Variants in OVGP1 observed in about 807,000 individuals in gnomAD.
The protein encoded by OVGP1 is oviductal glycoprotein 1.
Under a neutral mutation model 48.2 loss-of-function variants are expected in OVGP1, and 26 were observed. That is an observed-to-expected ratio of 0.54 (90% CI 0.40 to 0.75). OVGP1 has a LOEUF of 0.75. OVGP1 is among the 30% of genes least tolerant of loss of function. The probability of loss-of-function intolerance (pLI) is 0.00; values close to 1 mark genes in which losing one functional copy is unlikely to be tolerated. For missense variants in OVGP1, 791 were observed against 820.6 expected, an observed-to-expected ratio of 0.96 and a Z score of 0.44; for synonymous variants, 294 against 305.7, an observed-to-expected ratio of 0.96 and a Z score of 0.40.
chr1:111,415,403 T>C, intron 10 of OVGP1, 59 bp from the exon 11 acceptor site: 1 of 1,494,012 alleles, frequency 6.7e-7, no homozygotes. Context: ...ATCCTATTAA[T>C]TACTGGCAGA....
chr1:111,416,952 A>C (rs1237911053), intron 9 of OVGP1, among the ~76,000 whole-genome samples: 1 of 152,222 alleles, frequency 6.6e-6, no homozygotes, highest in African/African-American at 2.4e-5. Context: ...AAGATGAAAA[A>C]GTTCTGGAGA....
At chr1:111,421,697 T>C (rs761752874) in intron 6 of OVGP1, 24 bp from the exon 7 acceptor site, 29 of 1,418,108 alleles carry the variant, frequency 2.0e-5, no homozygotes, top group Middle Eastern at 3.5e-4. Flanking sequence ...GAGGAAGAGA[T>C]ATAAAGACTG....
Position 111,427,091 on chromosome 1 carries a change from C to A in OVGP1, c.26G>T (p.Gly9Val), listed in dbSNP as rs191208264. 1 of 1,614,080 alleles carries A rather than the reference C, an allele frequency of 6.2e-7. No individual in the cohort carries two copies. Among genetic ancestry groups the A allele is most frequent in the East Asian group, 2.2e-5 (1 of 44,866 alleles). ...GTGGTGTTTCAGCACAAGAACCAGC[C>A]CTGTGAGAAACAAAGGAAGGAGTCA... MWKLLLWV[G>V]LVLVLKHHDG... Residue 9 changes from glycine to valine, a missense_variant and splice_region_variant, in exon 2 of 11, where the codon GGG becomes GTG. By Grantham distance (109) the Gly-to-Val change is moderately radical (BLOSUM62 -3). Coordinates refer to ENST00000369732, the MANE Select transcript of OVGP1 (RefSeq NM_002557.4).
intron 4 of OVGP1, among the ~76,000 whole-genome samples, chr1:111,424,524 A>C (rs1390672779): frequency 6.6e-6 from 1 of 152,212 alleles, no homozygotes; most frequent in Non-Finnish European, 1.5e-5. Context: ...AATAACTGTG[A>C]CTTGTGCTTT....
At position 111,427,035 on chromosome 1, in the gene OVGP1, C is replaced by A. The variant is rs750999174; in HGVS notation, c.55+27G>T. The A allele has an allele frequency of 5.6e-6, 9 of 1,614,082 alleles. No individual in the cohort carries two copies. In the South Asian group the frequency reaches 8.8e-5, roughly 16 times the overall value. ...TCTCAGCCAGAGACTCTCCCTGGCTCTGGAAGGGAAAACACAGTTTCCTTA... is the reference window on the plus strand; with the variant it reads ...TCTCAGCCAGAGACTCTCCCTGGCTATGGAAGGGAAAACACAGTTTCCTTA... On this transcript the variant is annotated intron_variant, in intron 2 of 10. Coordinates refer to ENST00000369732, the MANE Select transcript of OVGP1 (RefSeq NM_002557.4).
At position 111,421,452 on chromosome 1, in the gene OVGP1, T is replaced by C. The variant is rs1012681639; in HGVS notation, c.727A>G (p.Met243Val). The change falls in exon 8 of 11, where the codon ATG (methionine) becomes GTG (valine). Residue 243 changes from methionine (M) to valine (V), a missense_variant. Coordinates refer to ENST00000369732, the MANE Select transcript of OVGP1 (RefSeq NM_002557.4). ...GCCCCAAGCTTTCTCCAATAATTCA[T>C]AGCATATGCCTGCAGGTAAGAAGAA... Reference protein sequence around the residue: ...PEDPKSSAYAMNYWRKLGAPS... With the variant: ...PEDPKSSAYAVNYWRKLGAPS... 6.2e-7 allele frequency: 1 copy of C among 1,611,214 alleles called. No homozygotes were observed. Among genetic ancestry groups the C allele is most frequent in the Non-Finnish European group, 8.5e-7 (1 of 1,178,746 alleles).
Position 111,423,036 on chromosome 1 carries a change from A to G in OVGP1, c.499T>C (p.Phe167Leu), listed in dbSNP as rs776370364. The change falls in exon 6 of 11, where the codon TTC (phenylalanine) becomes CTC (leucine). Residue 167 changes from phenylalanine (F) to leucine (L), a missense_variant. By Grantham distance (22) the Phe-to-Leu change is conservative. Coordinates refer to ENST00000369732, the MANE Select transcript of OVGP1 (RefSeq NM_002557.4). ...LFLIEELLFA[F>L]RKEALLTMRP... ...ATGGTGAGCAGTGCCTCCTTCCGGA[A>G]GGCAAACAGGAGCTCCTAAGAGGAA... 4 of 1,614,136 alleles carry G rather than the reference A, an allele frequency of 2.5e-6. No individual in the cohort carries two copies. In the South Asian group the frequency reaches 4.4e-5, roughly 18 times the overall value.
rs777449197 is a variant in OVGP1, at chr1:111,425,428, A to C, written c.272T>G (p.Leu91Arg). 3 of 1,614,042 alleles carry C rather than the reference A, an allele frequency of 1.9e-6. No individual in the cohort carries two copies. Among genetic ancestry groups the C allele is most frequent in the African/African-American group, 2.7e-5 (2 of 74,936 alleles). ...FNKLKERNRE[L>R]KTLLSIGGWN... is the part of the protein sequence containing the mutation. ...CCCGCCGATGGACAGTAGTGTTTTCAGCTCTCTGTTCCTATGATGTGAGAG... is the reference window on the plus strand; with the variant it reads ...CCCGCCGATGGACAGTAGTGTTTTCCGCTCTCTGTTCCTATGATGTGAGAG... Residue 91 changes from leucine to arginine, a missense_variant, in exon 4 of 11, where the codon CTG becomes CGG. Coordinates refer to ENST00000369732, the MANE Select transcript of OVGP1 (RefSeq NM_002557.4).
At chr1:111,421,742 A>G in intron 6 of OVGP1, 69 bp from the exon 7 acceptor site, 1 of 942,116 alleles carries the variant, frequency 1.1e-6, no homozygotes. Context: ...GCATCACAGC[A>G]CTGTCTAGCT....
At position 111,426,885 on chromosome 1, in the gene OVGP1, GCA is replaced by G. The variant is rs1652413745; in HGVS notation, c.55+175_55+176del. On this transcript the variant is annotated intron_variant, in intron 2 of 10. Transcript: ENST00000369732. ...AACAGATTCTCAAGTCTGGACCAAG[GCA>G]CACAGTCAGCGACACAAACAGCAGG... is the stretch of plus-strand genomic sequence containing the variant. The G allele has an allele frequency of 2.6e-6, 4 of 1,547,158 alleles. No individual in the cohort carries two copies. The African/African-American group carries it at 5.5e-5, about 21-fold the overall frequency.
chr1:111,418,495 C>A (rs1478450581), intron 9 of OVGP1, among the ~76,000 whole-genome samples: 1 of 152,178 alleles, frequency 6.6e-6, no homozygotes, highest in Non-Finnish European at 1.5e-5. Flanking sequence ...TTCATGAGTG[C>A]CTTCCTCTCT....
At chr1:111,416,257 G>A (rs1652130820) in intron 10 of OVGP1, 66 bp downstream of exon 10, 2 of 1,415,014 alleles carry the variant, frequency 1.4e-6, no homozygotes, top group Non-Finnish European at 1.9e-6. Context: ...AGATCTAGCA[G>A]AAGGGCCTTA....
chr1:111,425,422 G>A lies in OVGP1; in HGVS notation c.278C>T (p.Thr93Ile). 1 of 1,614,136 alleles carries A rather than the reference G, an allele frequency of 6.2e-7. No homozygotes were observed. Among genetic ancestry groups the A allele is most frequent in the Non-Finnish European group, 8.5e-7 (1 of 1,180,000 alleles). ...KLKERNRELK[T>I]LLSIGGWNFG... ...GTTCCACCCGCCGATGGACAGTAGT[G>A]TTTTCAGCTCTCTGTTCCTATGATG... Residue 93 changes from threonine (T) to isoleucine (I), a missense_variant, in exon 4 of 11, where the codon ACA becomes ATA. Coordinates refer to ENST00000369732, the MANE Select transcript of OVGP1 (RefSeq NM_002557.4).
rs200509561 is a variant in OVGP1, at chr1:111,426,445, T to C, written c.252A>G (p.Leu84=). 5.3e-5 allele frequency: 86 copies of C among 1,614,006 alleles called. No homozygotes were observed. The highest frequency in any genetic ancestry group is 6.5e-5 in the Non-Finnish European group (77 of 1,179,994). The change falls in exon 3 of 11, where the codon CTA becomes CTG. Residue 84 remains leucine, a synonymous_variant. Transcript: ENST00000369732. ...EKILYPEFNK[L]KERNRELKTL... is the part of the protein sequence containing the mutation. ...ATCCAATATGAACACACCTCTCCTTTAGTTTGTTGAACTCTGGGTAGAGAA... is the reference window on the plus strand; with the variant it reads ...ATCCAATATGAACACACCTCTCCTTCAGTTTGTTGAACTCTGGGTAGAGAA...
chr1:111,418,020 T>C (rs1652176287), intron 9 of OVGP1, among the ~76,000 whole-genome samples: 1 of 152,210 alleles, frequency 6.6e-6, no homozygotes, highest in Non-Finnish European at 1.5e-5. Flanking sequence ...AGCTCTCTAT[T>C]TTTAGTAAAG....
chr1:111,421,130 A>C, intron 8 of OVGP1, 146 bp downstream of exon 8: 1 of 583,248 alleles, frequency 1.7e-6, no homozygotes, highest in South Asian at 4.6e-5. Flanking sequence ...AAAATATCCC[A>C]GAGAGTGGGT....
chr1:111,423,986 A>G (rs1652338587), intron 4 of OVGP1, among the ~76,000 whole-genome samples: 3 of 152,230 alleles, frequency 2.0e-5, no homozygotes, highest in African/African-American at 4.8e-5. Flanking sequence ...AGAACCAAGC[A>G]TGCAGCCTGG....
In OVGP1 at chr1:111,421,484, C is replaced by T. The variant is rs776786879; in HGVS notation, c.718-23G>A. 33 of 1,608,654 alleles carry T rather than the reference C, an allele frequency of 2.1e-5. No homozygotes were observed. The East Asian group carries it at 2.2e-4, about 11-fold the overall frequency. On this transcript the variant is annotated intron_variant, in intron 7 of 10. Transcript: ENST00000369732. Reference sequence around the variant, plus strand: ...TGCCTGCAGGTAAGAAGAATCCAGACTCCTCCTTGTTACTAAGAGCCAATG... The same window carrying T: ...TGCCTGCAGGTAAGAAGAATCCAGATTCCTCCTTGTTACTAAGAGCCAATG...
At chr1:111,416,538 C>A in intron 9 of OVGP1, 80 bp from the exon 10 acceptor site, 1 of 1,319,346 alleles carries the variant, frequency 7.6e-7, no homozygotes, top group South Asian at 1.7e-5. Flanking sequence ...TGAAGATAGT[C>A]CCTCAGGAAG....
Sources: allele counts gnomAD v4.1 joint callset (sites outside exome capture counted in the v4.1 genomes callset), GRCh38; gene constraint gnomAD v4.1.1; transcripts MANE v1.5; gene names NCBI Gene and HGNC (gene_info 2026-07-23, HGNC 2026-07-21).